The following SLC22A8 variants were observed in gnomAD, a reference collection of about 807,000 sequenced individuals.
SLC22A8 encodes the protein organic anion transporter 3.
In SLC22A8, 40 loss-of-function variants were observed where a neutral mutation model predicts 48.4. The ratio of observed to expected loss-of-function variants is 0.83; its 90% CI spans 0.64 to 1.08. The LOEUF (loss-of-function observed/expected upper bound fraction) is 1.08. SLC22A8 is among the 50% of genes least tolerant of loss of function. SLC22A8 has a pLI of 0.00. For synonymous variants in SLC22A8, 268 were observed against 286.3 expected (o/e 0.94, Z 0.65); for missense variants, 606 against 699.0 (o/e 0.87, Z 1.50).
chr11:63,014,701 A>T lies in SLC22A8; in HGVS notation c.258T>A (p.Asn86Lys). The part of the protein sequence containing the change: ...FVHPPNASLP[N>K]DTQRAMEPCL... ...ATGGCTCCATGGCCCTCTGGGTGTC[A>T]TTGGGCAGGCTGGCATTGGGCGGAT... The change falls in exon 2 of 11, where the codon AAT (asparagine) becomes AAA (lysine). Residue 86 changes from asparagine (N) to lysine (K), a missense_variant. Coordinates refer to ENST00000336232, the MANE Select transcript of SLC22A8 (RefSeq NM_004254.4). 1 of 1,614,008 alleles carries T rather than the reference A, an allele frequency of 6.2e-7. No homozygotes were observed.
rs372282335 is a variant in SLC22A8 at position 62,994,597 on chromosome 11, G to T, written c.1161C>A (p.Ala387=). The stretch of plus-strand genomic sequence containing the variant: ...CCCCTCCTGCCAGGAGCAGGGCAGC[G>T]GCCTGAGTGGTATGCCGGCCCAGGT... The part of the protein sequence containing the change: ...LSYLGRHTTQ[A]AALLLAGGAI... The change falls in exon 8 of 11, where the codon GCC becomes GCA. Residue 387 remains alanine (A), a synonymous_variant. Coordinates refer to ENST00000336232, the MANE Select transcript of SLC22A8 (RefSeq NM_004254.4). 10 of 1,613,976 alleles carry T rather than the reference G, an allele frequency of 6.2e-6. No individual in the cohort carries two copies. Among genetic ancestry groups the T allele is most frequent in the Non-Finnish European group, 8.5e-6 (10 of 1,179,956 alleles).
At chr11:62,995,941 G>A in intron 6 of SLC22A8, 88 bp downstream of exon 6, 1 of 1,585,640 alleles carries the variant, frequency 6.3e-7, no homozygotes, top group Non-Finnish European at 8.7e-7. Context: ...TATAGGCTGT[G>A]AGCCAGGGGA....
At chr11:63,008,707 T>C (rs1297812205) in intron 2 of SLC22A8, among the ~76,000 whole-genome samples, 1 of 152,182 alleles carries the variant, frequency 6.6e-6, no homozygotes, top group Non-Finnish European at 1.5e-5. Context: ...TAAGTCATTG[T>C]AAGGCCTGTG....
Position 62,994,655 on chromosome 11 carries a change from G to A in SLC22A8, c.1103C>T (p.Pro368Leu). The A allele has an allele frequency of 6.2e-7, 1 of 1,614,154 alleles. No individual in the cohort carries two copies. Among genetic ancestry groups the A allele is most frequent in the Non-Finnish European group, 8.5e-7 (1 of 1,180,006 alleles). Residue 368 changes from proline to leucine, a missense_variant, in exon 8 of 11, where the codon CCA becomes CTA. Physicochemically the swap from Pro to Leu is moderately conservative, Grantham distance 98. Coordinates refer to ENST00000336232, the MANE Select transcript of SLC22A8 (RefSeq NM_004254.4). ...GGAGAGGATGGTGATGAACTTGGCT[G>A]GGACATCGACCCCACCAAAGATGAT... ...LQIIFGGVDVPAKFITILSLS... is the reference protein window; with the variant it reads ...LQIIFGGVDVLAKFITILSLS...
chr11:63,014,119 T>C (rs1452919096), intron 2 of SLC22A8, among the ~76,000 whole-genome samples: 1 of 152,144 alleles, frequency 6.6e-6, no homozygotes, highest in Non-Finnish European at 1.5e-5. Context: ...TTTTCCTCCT[T>C]TCCCTCACTG....
chr11:63,006,899 G>A (rs1184178654), intron 2 of SLC22A8, among the ~76,000 whole-genome samples: 1 of 151,906 alleles, frequency 6.6e-6, no homozygotes, highest in African/African-American at 2.4e-5. Flanking sequence ...GAGCCACCGC[G>A]CCCAGCCTTG....
Position 62,993,347 on chromosome 11 carries a change from A to G in SLC22A8, c.1530-11T>C, listed in dbSNP as rs1463746102. The G allele has an allele frequency of 1.2e-6, 2 of 1,613,752 alleles. No individual in the cohort carries two copies. Among genetic ancestry groups the G allele is most frequent in the Admixed American group, 3.3e-5 (2 of 59,996 alleles). On this transcript the variant is annotated splice_polypyrimidine_tract_variant and intron_variant, in intron 10 of 10. Coordinates refer to ENST00000336232, the MANE Select transcript of SLC22A8 (RefSeq NM_004254.4). ...TTTGCCCGCAGGGACCTAGGGACAG[A>G]GAGCTAAGGAAAAGCCCTGGGCCCA...
intron 5 of SLC22A8, among the ~76,000 whole-genome samples, chr11:62,997,459 C>T (rs377000781): frequency 3.9e-5 from 6 of 152,164 alleles, no homozygotes; most frequent in African/African-American, 1.2e-4. Flanking sequence ...CTCCTGACCC[C>T]GCGATCCGCC....
chr11:63,003,634 C>T (rs1486927776), intron 2 of SLC22A8, among the ~76,000 whole-genome samples: 1 of 152,174 alleles, frequency 6.6e-6, no homozygotes, highest in African/African-American at 2.4e-5. Flanking sequence ...CCCCTTCTTC[C>T]ATAGTAAATA....
In SLC22A8 at chr11:62,993,525, G is replaced by T. The variant is rs1185061371; in HGVS notation, c.1428C>A (p.Ile476=). Reference sequence around the variant, plus strand: ...CGAGGAGGGCGGTGATCCCGTAGATGATATTGGGGATGAAGGGCTGTACCT... The same window carrying T: ...CGAGGAGGGCGGTGATCCCGTAGATTATATTGGGGATGAAGGGCTGTACCT... ...TGEVQPFIPN[I]IYGITALLGG... The change falls in exon 10 of 11, where the codon ATC becomes ATA. Residue 476 remains isoleucine (I), a synonymous_variant. Transcript: ENST00000336232. 1 of 1,614,176 alleles carries T rather than the reference G, an allele frequency of 6.2e-7. No individual in the cohort carries two copies. The highest frequency in any genetic ancestry group is 2.2e-5 in the East Asian group (1 of 44,882).
Position 63,014,997 on chromosome 11 carries a change from A to G in SLC22A8, c.-25-14T>C. 6.6e-7 allele frequency: 1 copy of G among 1,509,794 alleles called. No individual in the cohort carries two copies. Among genetic ancestry groups the G allele is most frequent in the South Asian group, 1.3e-5 (1 of 77,882 alleles). The allele number at this position is 1,509,794 out of a possible 1,614,324, so 93.5% of individuals were successfully genotyped here. On this transcript the variant is annotated splice_polypyrimidine_tract_variant and intron_variant, in intron 1 of 10. Transcript: ENST00000336232. ...GACGAGCCAGAGCTGTGGGCAGGGCATAGGCCAGGGAGAGGTATATTTGTG... is the reference window on the plus strand; with the variant it reads ...GACGAGCCAGAGCTGTGGGCAGGGCGTAGGCCAGGGAGAGGTATATTTGTG...
In SLC22A8 at chr11:62,992,902, T is replaced by G; in HGVS notation, c.*335A>C. The G allele has an allele frequency of 1.9e-5, 6 of 315,236 alleles. No homozygotes were observed. Among genetic ancestry groups the G allele is most frequent in the East Asian group, 1.0e-4 (2 of 19,494 alleles). The allele number at this position is 315,236 out of a possible 1,614,324, so 19.5% of individuals were successfully genotyped here. Reference sequence around the variant, plus strand: ...GCAAGAAGGGGAGGACTTCTCATCTTGTTAAGACTCAGTCTTGTTAGGACT... The same window carrying G: ...GCAAGAAGGGGAGGACTTCTCATCTGGTTAAGACTCAGTCTTGTTAGGACT... On this transcript the variant is annotated 3_prime_UTR_variant, in exon 11 of 11. Coordinates refer to ENST00000336232, the MANE Select transcript of SLC22A8 (RefSeq NM_004254.4).
intron 2 of SLC22A8, among the ~76,000 whole-genome samples, chr11:63,004,431 C>G (rs1368261045): frequency 6.6e-6 from 1 of 152,164 alleles, no homozygotes; most frequent in Admixed American, 6.5e-5. Context: ...CTTGCTGCTC[C>G]ATAAACATTT....
In SLC22A8 at chr11:62,994,612, C is replaced by CCG; in HGVS notation, c.1144_1145dup (p.His383GlyfsTer29). 6.2e-7 allele frequency: 1 copy of CCG among 1,613,850 alleles called. No homozygotes were observed. The highest frequency in any genetic ancestry group is 8.5e-7 in the Non-Finnish European group (1 of 1,179,898). On this transcript the variant is annotated frameshift_variant, in exon 8 of 11. Coordinates refer to ENST00000336232, the MANE Select transcript of SLC22A8 (RefSeq NM_004254.4). LOFTEE classifies it high-confidence loss of function. ...GCAGGGCAGCGGCCTGAGTGGTATG[C>CCG]CGGCCCAGGTAGCTTAAGGAGAGGA...
rs143089852 is a variant in SLC22A8 at position 63,014,322 on chromosome 11, C to A, written c.333+304G>T. On this transcript the variant is annotated intron_variant, in intron 2 of 10. Transcript: ENST00000336232. ...TTTTCCTTAATGGGTGCTATCTCCA[C>A]CGGGCTGTAGACCCCCTGGGAGCAG... Among the ~76,000 whole-genome samples the A allele has an allele frequency of 9.5e-3, 1,454 of 152,296 alleles. 30 individuals carry two copies. The highest frequency in any genetic ancestry group is 0.033 in the African/African-American group (1,367 of 41,554).
At chr11:63,003,411 G>A (rs750256128) in intron 2 of SLC22A8, among the ~76,000 whole-genome samples, 1 of 152,168 alleles carries the variant, frequency 6.6e-6, no homozygotes, top group Non-Finnish European at 1.5e-5. Flanking sequence ...AGCAAGCCTG[G>A]TGGTCCGTTT....
rs370233107 is a variant in SLC22A8, at chr11:63,014,739, G to A, written c.220C>T (p.Leu74Phe). Residue 74 changes from leucine (L) to phenylalanine (F), a missense_variant, in exon 2 of 11, where the codon CTC becomes TTC. Physicochemically the swap from Leu to Phe is conservative, Grantham distance 22 (BLOSUM62 0). Transcript: ENST00000336232. ...MGPNGKPERC[L>F]RFVHPPNASL... ...GCATTGGGCGGATGTACAAAACGGA[G>A]GCACCTCTCAGGCTTCCCATTTGGG... The A allele has an allele frequency of 1.4e-5, 23 of 1,614,034 alleles. No homozygotes were observed. The South Asian group carries it at 1.9e-4, about 13-fold the overall frequency.
intron 9 of SLC22A8, 38 bp downstream of exon 9, chr11:62,993,732 G>A: frequency 6.3e-7 from 1 of 1,592,738 alleles, no homozygotes; most frequent in South Asian, 1.1e-5. Flanking sequence ...CCTGACCTGT[G>A]TCCTCTGGCT....
At chr11:63,010,063 A>G (rs1268958756) in intron 2 of SLC22A8, among the ~76,000 whole-genome samples, 1 of 152,130 alleles carries the variant, frequency 6.6e-6, no homozygotes, top group African/African-American at 2.4e-5. Flanking sequence ...AGACATCCCT[A>G]TTAACAACAA....
Sources: allele counts gnomAD v4.1 joint callset (sites outside exome capture counted in the v4.1 genomes callset), GRCh38; gene constraint gnomAD v4.1.1; transcripts MANE v1.5; gene names NCBI Gene and HGNC (gene_info 2026-07-23, HGNC 2026-07-21).